GRM7: variants seen among roughly 807,000 people sequenced by gnomAD.
GRM7 encodes metabotropic glutamate receptor 7.
In GRM7, 35 loss-of-function variants were observed where a neutral mutation model predicts 84.5. The observed-to-expected ratio is 0.41, with a 90% CI of 0.32 to 0.55. The LOEUF is 0.55. Among genes scored for constraint, GRM7 ranks in the 20% least tolerant of loss-of-function variants. The pLI, the probability that GRM7 is intolerant of heterozygous loss-of-function variation, is 0.19. For missense variants in GRM7, 1,003 were observed against 1,194.6 expected (o/e 0.84, Z 2.36); for synonymous variants, 487 against 455.1 (o/e 1.07, Z -0.89).
At chr3:7,258,213 C>A (rs1698279607) in intron 2 of GRM7, among the ~76,000 whole-genome samples, 1 of 152,092 alleles carries the variant, frequency 6.6e-6, no homozygotes, top group South Asian at 2.1e-4. Flanking sequence ...CTTCAGTGTT[C>A]TACCACTGCC....
intron 1 of GRM7, among the ~76,000 whole-genome samples, chr3:6,959,357 A>T (rs1458452538): frequency 6.6e-6 from 1 of 152,212 alleles, no homozygotes; most frequent in African/African-American, 2.4e-5. Context: ...GAATTCCATC[A>T]AAACTAGATT....
intron 1 of GRM7, among the ~76,000 whole-genome samples, chr3:6,927,517 G>GAAAGA (rs1220979729): frequency 1.4e-5 from 2 of 147,170 alleles, no homozygotes; most frequent in Non-Finnish European, 3.0e-5. Context: ...AAGAAAGAAA[G>GAAAGA]AAGAGAAAAG....
chr3:6,982,149 C>T (rs1230822894), intron 1 of GRM7, among the ~76,000 whole-genome samples: 1 of 152,176 alleles, frequency 6.6e-6, no homozygotes, highest in East Asian at 1.9e-4. Flanking sequence ...TTTGTGGCAA[C>T]ATAGCTTCAG....
chr3:7,057,917 A>T (rs1364657706), intron 1 of GRM7, among the ~76,000 whole-genome samples: 1 of 151,950 alleles, frequency 6.6e-6, no homozygotes, highest in African/African-American at 2.4e-5. Context: ...AAGAACATGG[A>T]TTCATCAGGT....
chr3:7,358,375 T>C lies in GRM7; in HGVS notation c.1033+51723T>C, dbSNP rs574726931. ...AGTCCCAGGAGATCATCAACCATAGTCATTTGACAAATAACAAACATTCAT... is the reference window on the plus strand; with the variant it reads ...AGTCCCAGGAGATCATCAACCATAGCCATTTGACAAATAACAAACATTCAT... On this transcript the variant is annotated intron_variant, in intron 4 of 9. Coordinates refer to ENST00000357716, the MANE Select transcript of GRM7 (RefSeq NM_000844.4). 9.6e-5 allele frequency among the ~76,000 whole-genome samples: 12 copies of C among 125,028 alleles called. 2 individuals are homozygous for C. Among genetic ancestry groups the C allele is most frequent in the Admixed American group, 4.7e-4 (6 of 12,688 alleles). The allele number at this position is 125,028 out of a possible 152,430, so 82.0% of individuals were successfully genotyped here. A position where few individuals can be genotyped will look rare whatever the true frequency, so the allele number is the denominator to read the frequency against.
intron 1 of GRM7, among the ~76,000 whole-genome samples, chr3:6,948,871 T>C (rs1182435768): frequency 6.6e-6 from 1 of 152,222 alleles, no homozygotes; most frequent in African/African-American, 2.4e-5. Flanking sequence ...AAGACTAAGA[T>C]TGCAACCCCT....
chr3:7,542,810 T>C (rs1692952288), intron 7 of GRM7, among the ~76,000 whole-genome samples: 1 of 152,214 alleles, frequency 6.6e-6, no homozygotes, highest in African/African-American at 2.4e-5. Flanking sequence ...CCTCCCAAAA[T>C]TCTGGGATTA....
chr3:7,120,267 T>G (rs1693173485), intron 1 of GRM7, among the ~76,000 whole-genome samples: 1 of 152,202 alleles, frequency 6.6e-6, no homozygotes, highest in South Asian at 2.1e-4. Flanking sequence ...TATAGGAGAC[T>G]AAAGTTTGTC....
At chr3:7,693,143 A>C (rs997821098) in intron 9 of GRM7, among the ~76,000 whole-genome samples, 1 of 152,146 alleles carries the variant, frequency 6.6e-6, no homozygotes, top group Non-Finnish European at 1.5e-5. Flanking sequence ...ATTGAAATCC[A>C]TTGATGATCA....
At chr3:7,190,422 T>A (rs1036015162) in intron 2 of GRM7, among the ~76,000 whole-genome samples, 1 of 152,136 alleles carries the variant, frequency 6.6e-6, no homozygotes, top group Non-Finnish European at 1.5e-5. Context: ...TCAAAACAGA[T>A]GTGTGTTGGT....
At chr3:6,933,127 T>G (rs1160721809) in intron 1 of GRM7, among the ~76,000 whole-genome samples, 1 of 152,184 alleles carries the variant, frequency 6.6e-6, no homozygotes, top group Non-Finnish European at 1.5e-5. Context: ...AAACATTTCC[T>G]TAAATCACAT....
chr3:7,485,853 C>G (rs1699300034), intron 7 of GRM7, among the ~76,000 whole-genome samples: 1 of 152,070 alleles, frequency 6.6e-6, no homozygotes, highest in Non-Finnish European at 1.5e-5. Flanking sequence ...TTCATGTTCA[C>G]AAACTCTGTT....
At chr3:7,518,464 T>C (rs977955403) in intron 7 of GRM7, among the ~76,000 whole-genome samples, 1 of 152,214 alleles carries the variant, frequency 6.6e-6, no homozygotes, top group Non-Finnish European at 1.5e-5. Flanking sequence ...TCAGTTACTG[T>C]GATCTTTCCT....
intron 2 of GRM7, among the ~76,000 whole-genome samples, chr3:7,196,202 C>G (rs2125109578): frequency 6.6e-6 from 1 of 152,124 alleles, no homozygotes; most frequent in East Asian, 1.9e-4. Flanking sequence ...GCCGAATTCC[C>G]TTTTGCTCCA....
chr3:7,574,418 A>G (rs1694856949), intron 7 of GRM7, among the ~76,000 whole-genome samples: 1 of 152,132 alleles, frequency 6.6e-6, no homozygotes, highest in Non-Finnish European at 1.5e-5. Context: ...TCAGCCTCCC[A>G]AAGTGCTGGG....
intron 7 of GRM7, among the ~76,000 whole-genome samples, chr3:7,570,846 G>A (rs938991624): frequency 6.6e-6 from 1 of 152,318 alleles, no homozygotes; most frequent in South Asian, 2.1e-4. Flanking sequence ...GCAAACTTCT[G>A]TCTGGACATC....
At chr3:7,593,318 C>T (rs766260063) in intron 8 of GRM7, among the ~76,000 whole-genome samples, 2 of 152,114 alleles carry the variant, frequency 1.3e-5, no homozygotes, top group Non-Finnish European at 2.9e-5. Context: ...CAGTTTCAAA[C>T]ATTTATTGAT....
chr3:7,516,345 T>G (rs1043986536), intron 7 of GRM7, among the ~76,000 whole-genome samples: 1 of 148,168 alleles, frequency 6.7e-6, no homozygotes, highest in Non-Finnish European at 1.5e-5. Context: ...GGCGTGGTGG[T>G]GTGCGCCTGT....
At chr3:7,526,400 T>C (rs1337191015) in intron 7 of GRM7, among the ~76,000 whole-genome samples, 1 of 151,794 alleles carries the variant, frequency 6.6e-6, no homozygotes, top group African/African-American at 2.4e-5. Flanking sequence ...TTTTCCTTGA[T>C]TTAAGTTTCT....
Sources: allele counts gnomAD v4.1 joint callset (sites outside exome capture counted in the v4.1 genomes callset), GRCh38; gene constraint gnomAD v4.1.1; transcripts MANE v1.5; gene names NCBI Gene and HGNC (gene_info 2026-07-23, HGNC 2026-07-21).